Variants in ANKRD26 observed in about 807,000 individuals in gnomAD.
ANKRD26 encodes ankyrin repeat domain 26.
ANKRD26 carries 141 observed loss-of-function variants against 208.7 expected under a neutral mutation model. The observed-to-expected ratio is 0.68, with a 90% confidence interval of 0.59 to 0.78. The LOEUF is 0.78. Among genes scored for constraint, ANKRD26 ranks in the 30% least tolerant of loss-of-function variants. The pLI, the probability that ANKRD26 is intolerant of heterozygous loss-of-function variation, is 0.00. For synonymous variants in ANKRD26, 636 were observed against 660.4 expected, an observed-to-expected ratio of 0.96 and a Z score of 0.57; for missense variants, 1,889 against 1,938.7, an observed-to-expected ratio of 0.97 and a Z score of 0.48.
chr10:27,036,584 T>C (rs150266019), intron 23 of ANKRD26, among the ~76,000 whole-genome samples: 269 of 152,240 alleles, frequency 1.8e-3, no homozygotes, highest in African/African-American at 6.3e-3. Context: ...AATGTAATAA[T>C]GTGAAACAGG....
At chr10:26,962,033 T>C in the ANKRD26 span, among the ~76,000 whole-genome samples, 9 of 152,308 alleles carry the variant, frequency 5.9e-5, no homozygotes, top group African/African-American at 1.9e-4. Flanking sequence ...GAGGACTAAC[T>C]TGGATCCCAA....
intron 15 of ANKRD26, among the ~76,000 whole-genome samples, chr10:27,056,362 G>A (rs1475226901): frequency 6.6e-6 from 1 of 152,020 alleles, no homozygotes; most frequent in Non-Finnish European, 1.5e-5. Context: ...ATTTTCAGTA[G>A]AGATGGGGTT....
intron 6 of ANKRD26, 138 bp downstream of exon 6, chr10:27,082,665 G>A: frequency 7.8e-7 from 1 of 1,278,756 alleles, no homozygotes. Flanking sequence ...TTGTAATATA[G>A]CACAGATACT....
chr10:27,005,856 CA>C, intron 33 of ANKRD26, 133 bp from the exon 34 acceptor site: 2 of 1,099,818 alleles, frequency 1.8e-6, no homozygotes, highest in Non-Finnish European at 2.5e-6. Context: ...AACTATTATA[CA>C]ATATTACTAT....
intron 30 of ANKRD26, among the ~76,000 whole-genome samples, chr10:27,016,924 A>T (rs1413807416): frequency 1.3e-5 from 2 of 152,162 alleles, no homozygotes; most frequent in Admixed American, 1.3e-4. Flanking sequence ...TTGGTGGCTC[A>T]TGCCTGTAAT....
chr10:27,064,212 G>A, intron 11 of ANKRD26, 131 bp from the exon 12 acceptor site: 1 of 747,082 alleles, frequency 1.3e-6, no homozygotes, highest in Non-Finnish European at 2.2e-6. Context: ...AATAAGATAA[G>A]CATGTATTGA....
intron 33 of ANKRD26, among the ~76,000 whole-genome samples, chr10:27,005,937 T>C (rs968911426): frequency 6.6e-6 from 1 of 152,246 alleles, no homozygotes; most frequent in African/African-American, 2.4e-5. Context: ...AGCTTCTGGC[T>C]TTCTCACTCT....
intron 9 of ANKRD26, among the ~76,000 whole-genome samples, chr10:27,075,041 G>C (rs1273448480): frequency 1.3e-5 from 2 of 152,154 alleles, no homozygotes; most frequent in African/African-American, 4.8e-5. Context: ...CAAATGCTGA[G>C]GGAATCTGTC....
intron 23 of ANKRD26, 127 bp downstream of exon 23, chr10:27,037,058 GA>G: frequency 1.1e-6 from 1 of 902,972 alleles, no homozygotes; most frequent in Non-Finnish European, 1.6e-6. Flanking sequence ...ACTACCCCAA[GA>G]TACACATATA....
In ANKRD26 at chr10:27,031,148, A is replaced by G. The variant is rs1589244910; in HGVS notation, c.3808-1792T>C. Among the ~76,000 whole-genome samples, 4 of 152,238 alleles carry G rather than the reference A, an allele frequency of 2.6e-5. No homozygotes were observed. The East Asian group carries it at 7.7e-4, about 29-fold the overall frequency. The stretch of plus-strand genomic sequence containing the variant: ...CAGAAACTGCAAAGGCAGGAAGAAC[A>G]GCAGGAGTCAAGCAGAGAGATGGTG... On this transcript the variant is annotated intron_variant, in intron 25 of 33. Transcript: ENST00000376087.
chr10:27,064,255 A>G (rs1260091912), intron 11 of ANKRD26, among the ~76,000 whole-genome samples, 174 bp from the exon 12 acceptor site: 1 of 152,210 alleles, frequency 6.6e-6, no homozygotes, highest in Non-Finnish European at 1.5e-5. Context: ...AACCTCATAT[A>G]TGCTCACTAG....
chr10:27,028,713 C>T (rs904562863), intron 27 of ANKRD26, 139 bp downstream of exon 27: 3 of 692,998 alleles, frequency 4.3e-6, no homozygotes, highest in Non-Finnish European at 4.9e-6. Context: ...TATGTATGTA[C>T]AAATATTCCA....
At chr10:27,039,336 C>T (rs2054150302) in intron 21 of ANKRD26, among the ~76,000 whole-genome samples, 1 of 151,916 alleles carries the variant, frequency 6.6e-6, no homozygotes, top group Admixed American at 6.6e-5. Context: ...CGCCTGTAAT[C>T]CCAGCTTCTT....
At chr10:27,087,039 TG>T (rs1375918676) in intron 4 of ANKRD26, among the ~76,000 whole-genome samples, 1 of 152,184 alleles carries the variant, frequency 6.6e-6, no homozygotes, top group East Asian at 1.9e-4. Flanking sequence ...CCCAAAGTGC[TG>T]GGATTACAGG....
At chr10:27,018,022 A>G (rs536876640) in intron 29 of ANKRD26, among the ~76,000 whole-genome samples, 2 of 152,106 alleles carry the variant, frequency 1.3e-5, no homozygotes, top group South Asian at 4.2e-4. Flanking sequence ...TCTGCCACAC[A>G]ACATTTGCAC....
chr10:27,005,344 T>C lies in ANKRD26; in HGVS notation c.*246A>G. The C allele has an allele frequency of 8.4e-7, 1 of 1,186,560 alleles. No homozygotes were observed. Among genetic ancestry groups the C allele is most frequent in the Non-Finnish European group, 1.0e-6 (1 of 954,084 alleles). 73.5% of individuals were successfully genotyped at this position (1,186,560 alleles called of 1,614,324 possible). On this transcript the variant is annotated 3_prime_UTR_variant, in exon 34 of 34. Coordinates refer to ENST00000376087, the MANE Select transcript of ANKRD26 (RefSeq NM_014915.3). ...AAAGTATTAATGACAACTTAGTGGT[T>C]TGGCTGTTTAAACAGCTCACATTTG...
At chr10:26,978,683 A>G (rs2052262163) in intron 5 of ANKRD26, among the ~76,000 whole-genome samples, 1 of 152,096 alleles carries the variant, frequency 6.6e-6, no homozygotes, top group Non-Finnish European at 1.5e-5. Context: ...CCACGCCCTG[A>G]TGGAAATGTA....
chr10:27,090,280 T>C (rs2056258039), intron 4 of ANKRD26, among the ~76,000 whole-genome samples: 1 of 152,048 alleles, frequency 6.6e-6, no homozygotes, highest in Non-Finnish European at 1.5e-5. Flanking sequence ...ACCCCATCTC[T>C]ACTAAAAATA....
chr10:27,070,744 C>T (rs2055454323), intron 9 of ANKRD26, among the ~76,000 whole-genome samples: 1 of 151,842 alleles, frequency 6.6e-6, no homozygotes, highest in Non-Finnish European at 1.5e-5. Flanking sequence ...TGGCTCACTG[C>T]AACCTCCACC....
Sources: allele counts gnomAD v4.1 joint callset (sites outside exome capture counted in the v4.1 genomes callset), GRCh38; gene constraint gnomAD v4.1.1; transcripts MANE v1.5; gene names NCBI Gene and HGNC (gene_info 2026-07-23, HGNC 2026-07-21).